LSM12: variants seen among roughly 807,000 people sequenced by gnomAD.
LSM12 encodes LSM12 homolog.
For synonymous variants in LSM12, 74 were observed against 87.3 expected (o/e 0.85, Z 0.85); for missense variants, 108 against 238.9 (o/e 0.45, Z 3.61).
intron 2 of LSM12, among the ~76,000 whole-genome samples, chr17:44,055,506 A>C (rs2049699720): frequency 7.8e-6 from 1 of 128,136 alleles, no homozygotes; most frequent in African/African-American, 3.1e-5. Context: ...TACCAAAAAT[A>C]CAAAAAAAAA....
intron 2 of LSM12, among the ~76,000 whole-genome samples, chr17:44,045,036 C>CT (rs576605668): frequency 9.2e-5 from 14 of 151,462 alleles, no homozygotes; most frequent in East Asian, 3.9e-4. Flanking sequence ...AAATCTATTT[C>CT]TTTTTTTTTG....
intron 2 of LSM12, among the ~76,000 whole-genome samples, chr17:44,054,813 C>T (rs1206138178): frequency 6.6e-6 from 1 of 151,636 alleles, no homozygotes; most frequent in Non-Finnish European, 1.5e-5. Flanking sequence ...CCAGGGACTG[C>T]GGCCTTGGCG....
chr17:44,063,982 C>T (rs1264544006), intron 1 of LSM12, 48 bp from the exon 2 acceptor site: 1 of 1,596,178 alleles, frequency 6.3e-7, no homozygotes. Context: ...AGCAGAGGCA[C>T]TGACACATCC....
intron 2 of LSM12, among the ~76,000 whole-genome samples, chr17:44,052,039 C>T (rs1360679545): frequency 2.0e-5 from 3 of 151,782 alleles, no homozygotes; most frequent in Admixed American, 6.6e-5. Context: ...ACCGGGGAGG[C>T]GGAGGTAGCA....
At chr17:44,062,581 G>A (rs2049812770) in intron 2 of LSM12, among the ~76,000 whole-genome samples, 1 of 152,006 alleles carries the variant, frequency 6.6e-6, no homozygotes, top group Non-Finnish European at 1.5e-5. Context: ...CTAAATAAAC[G>A]GAATTGTCAA....
In LSM12 at chr17:44,034,398, G is replaced by C. The variant is rs1469556046; in HGVS notation, c.*1810C>G. Reference sequence around the variant, plus strand: ...GCCTCCAAACAGTCCTGTAACAAATGGTTCTATGTATGTGACTACAGCCTT... The same window carrying C: ...GCCTCCAAACAGTCCTGTAACAAATCGTTCTATGTATGTGACTACAGCCTT... On this transcript the variant is annotated 3_prime_UTR_variant, in exon 5 of 5. Coordinates refer to ENST00000293406, the MANE Select transcript of LSM12 (RefSeq NM_001371445.1). Among the ~76,000 whole-genome samples the C allele has an allele frequency of 6.6e-6, 1 of 152,106 alleles. No homozygotes were observed. The highest frequency in any genetic ancestry group is 1.5e-5 in the Non-Finnish European group (1 of 68,028).
chr17:44,042,666 G>A lies in LSM12; in HGVS notation c.259-2410C>T, dbSNP rs551034219. 1.9e-4 allele frequency among the ~76,000 whole-genome samples: 29 copies of A among 151,188 alleles called. No individual in the cohort carries two copies. The South Asian group carries it at 4.0e-3, about 21-fold the overall frequency. ...TGCAAGCTCCACCTCCCAGGTTCAC[G>A]TCATTCTCCTGCCTCAGCCTCCCGA... On this transcript the variant is annotated intron_variant, in intron 2 of 4. Transcript: ENST00000293406.
chr17:44,035,756 T>C lies in LSM12; in HGVS notation c.*452A>G, dbSNP rs1175948221. 1.3e-5 allele frequency: 2 copies of C among 151,264 alleles called. No homozygotes were observed. The highest frequency in any genetic ancestry group is 4.9e-5 in the African/African-American group (2 of 40,940). 9.4% of individuals were successfully genotyped at this position (151,264 alleles called of 1,614,324 possible). On this transcript the variant is annotated 3_prime_UTR_variant, in exon 5 of 5. Coordinates refer to ENST00000293406, the MANE Select transcript of LSM12 (RefSeq NM_001371445.1). ...TAAAGTGAGACGTTTGCTGCTCTGG[T>C]CTCAATTTAAGAATCACAGTCAGCT...
At chr17:44,041,205 A>G (rs2049482643) in intron 2 of LSM12, among the ~76,000 whole-genome samples, 1 of 151,030 alleles carries the variant, frequency 6.6e-6, no homozygotes, top group Non-Finnish European at 1.5e-5. Context: ...CAGCAGGCAG[A>G]TGTTGCAGTG....
At chr17:44,055,059 C>G (rs535049433) in intron 2 of LSM12, among the ~76,000 whole-genome samples, 1 of 151,802 alleles carries the variant, frequency 6.6e-6, no homozygotes, top group South Asian at 2.1e-4. Flanking sequence ...ACCATATTGG[C>G]CAGACTGGTC....
At chr17:44,056,220 G>A (rs928616054) in intron 2 of LSM12, among the ~76,000 whole-genome samples, 12 of 151,600 alleles carry the variant, frequency 7.9e-5, no homozygotes, top group Non-Finnish European at 7.4e-5. Context: ...GCTTGAAACC[G>A]GGAGGCGGAG....
At chr17:44,057,196 C>A (rs575046739) in intron 2 of LSM12, among the ~76,000 whole-genome samples, 5 of 145,824 alleles carry the variant, frequency 3.4e-5, no homozygotes, top group African/African-American at 1.2e-4. Flanking sequence ...GTCTCCCAGG[C>A]TGGAGTGCAG....
At chr17:44,050,048 A>G (rs1238016805) in intron 2 of LSM12, among the ~76,000 whole-genome samples, 1 of 152,192 alleles carries the variant, frequency 6.6e-6, no homozygotes, top group African/African-American at 2.4e-5. Flanking sequence ...GGGCCCTTGC[A>G]TGTTCCCTAT....
At chr17:44,039,754 G>A (rs1371712945) in intron 3 of LSM12, among the ~76,000 whole-genome samples, 1 of 152,152 alleles carries the variant, frequency 6.6e-6, no homozygotes, top group Non-Finnish European at 1.5e-5. Context: ...TCTACAATGG[G>A]AAAAGTGATA....
At position 44,063,888 on chromosome 17, in the gene LSM12, G is replaced by A. The variant is rs1196341516; in HGVS notation, c.171C>T (p.Leu57=). The A allele has an allele frequency of 5.0e-6, 8 of 1,613,864 alleles. No homozygotes were observed. The highest frequency in any genetic ancestry group is 1.7e-5 in the Admixed American group (1 of 59,942). Residue 57 remains leucine, a synonymous_variant, in exon 2 of 5, where the codon CTC becomes CTT. Transcript: ENST00000293406. ...SGKPNHADIL[L]INLQYVSEVE... is the part of the protein sequence containing the mutation. The stretch of plus-strand genomic sequence containing the variant: ...CTTCTGAAACATACTGTAAGTTTAT[G>A]AGCAAGATGTCTGCATGGTTGGGCT...
Position 44,066,671 on chromosome 17 carries a change from C to T in LSM12, c.-84G>A. ...CCCAGTGAGCGCCGCGACGCGACGG[C>T]GCGCACGGAGCGTGCTTGCGTCACA... is the stretch of plus-strand genomic sequence containing the variant. On this transcript the variant is annotated 5_prime_UTR_variant, in exon 1 of 5. Transcript: ENST00000293406. 7.9e-7 allele frequency: 1 copy of T among 1,261,474 alleles called. No individual in the cohort carries two copies. The highest frequency in any genetic ancestry group is 3.4e-5 in the East Asian group (1 of 29,488). 78.1% of individuals were successfully genotyped at this position (1,261,474 alleles called of 1,614,324 possible).
At chr17:44,044,558 T>G (rs2144079895) in intron 2 of LSM12, among the ~76,000 whole-genome samples, 1 of 152,314 alleles carries the variant, frequency 6.6e-6, no homozygotes, top group Non-Finnish European at 1.5e-5. Context: ...CCTACAGTAA[T>G]GCTTTAGGGA....
intron 2 of LSM12, among the ~76,000 whole-genome samples, chr17:44,043,529 G>A (rs1178505212): frequency 1.3e-5 from 2 of 150,534 alleles, no homozygotes; most frequent in Non-Finnish European, 2.9e-5. Context: ...AAAAAACCCC[G>A]GTAACAAGGA....
chr17:44,051,527 T>C (rs62078885), intron 2 of LSM12, among the ~76,000 whole-genome samples: 21,877 of 151,542 alleles, frequency 0.14, 2,060 homozygotes, highest in Non-Finnish European at 0.2. Flanking sequence ...CACTTCAACC[T>C]AAGTGACAAA....
Sources: gnomAD v4.1 joint callset for allele counts (sites outside exome capture counted in the v4.1 genomes callset) on GRCh38, gnomAD v4.1.1 for gene constraint, MANE v1.5 for transcripts, NCBI Gene and HGNC (gene_info 2026-07-23, HGNC 2026-07-21) for gene names.